Variants in RNF213 observed in about 807,000 individuals in gnomAD.
RNF213 encodes E3 ubiquitin-protein ligase RNF213.
RNF213 carries 341 observed loss-of-function variants against 514.4 expected under a neutral mutation model. That is an observed-to-expected ratio of 0.66 (90% CI 0.61 to 0.73). RNF213 has a LOEUF of 0.73. Ranked by LOEUF, RNF213 falls within the 30% of genes least tolerant of loss-of-function variation. The pLI, the probability that RNF213 is intolerant of heterozygous loss-of-function variation, is 0.00. For synonymous variants in RNF213, 2,655 were observed against 2,658.2 expected (o/e 1.00, Z 0.04); for missense variants, 5,767 against 6,615.6 (o/e 0.87, Z 4.45).
chr17:80,340,332 G>A lies in RNF213; in HGVS notation c.5965G>A (p.Val1989Met), dbSNP rs376102448. The A allele has an allele frequency of 5.0e-6, 8 of 1,613,062 alleles. No homozygotes were observed. The highest frequency in any genetic ancestry group is 1.3e-5 in the African/African-American group (1 of 74,944). ...VFNDRLCVGI[V>M]ASERAGVGKS... Reference sequence around the variant, plus strand: ...CAATGACCGGCTGTGTGTTGGGATCGTGGCCTCGGAGCGAGCAGGTGTTGG... The same window carrying A: ...CAATGACCGGCTGTGTGTTGGGATCATGGCCTCGGAGCGAGCAGGTGTTGG... Residue 1989 changes from valine to methionine, a missense_variant, in exon 26 of 68, where the codon GTG becomes ATG. Val to Met is a conservative substitution (Grantham distance 21). Around this residue, in one of 13 missense-constraint regions of RNF213, gnomAD observed 1,377 missense variants for 1,635.2 expected, o/e 0.84. Coordinates refer to ENST00000582970, the MANE Select transcript of RNF213 (RefSeq NM_001256071.3).
At chr17:80,316,655 G>T (rs1448035811) in intron 15 of RNF213, 1 of 196,024 alleles carries the variant, frequency 5.1e-6, no homozygotes, top group Admixed American at 5.3e-5. Context: ...AGTTGCACAG[G>T]GAAGGGCTAG....
intron 14 of RNF213, 23 bp downstream of exon 14, chr17:80,309,194 G>T: frequency 6.2e-7 from 1 of 1,614,080 alleles, no homozygotes; most frequent in Non-Finnish European, 8.5e-7. Context: ...AACACACAAG[G>T]TATCACACCC....
rs530956136 is a variant in RNF213 at position 80,322,394 on chromosome 17, G to A, written c.3025-2636G>A. On this transcript the variant is annotated intron_variant, in intron 17 of 67. Transcript: ENST00000582970. Reference sequence around the variant, plus strand: ...CCTGTAGACCATCCTGGCTAACACGGTGACACCCTGTCTCTACTAAAAATA... The same window carrying A: ...CCTGTAGACCATCCTGGCTAACACGATGACACCCTGTCTCTACTAAAAATA... Among the ~76,000 whole-genome samples the A allele has an allele frequency of 2.9e-3, 447 of 152,010 alleles. 2 individuals are homozygous for A. The highest frequency in any genetic ancestry group is 6.8e-3 in the Middle Eastern group (2 of 294).
chr17:80,292,029 T>G, intron 8 of RNF213: 1 of 650,522 alleles, frequency 1.5e-6, no homozygotes, highest in South Asian at 1.7e-5. Flanking sequence ...ATGTGTTGGC[T>G]TCTCCTTTGA....
At chr17:80,388,993 A>T (rs2080351757) in intron 64 of RNF213, 180 bp from the exon 65 acceptor site, 2 of 649,134 alleles carry the variant, frequency 3.1e-6, no homozygotes, top group Non-Finnish European at 2.8e-6. Context: ...TGATAGGTAG[A>T]CCTGTGTGTC....
At chr17:80,364,403 G>A (rs755614577) in intron 41 of RNF213, 30 bp from the exon 42 acceptor site, 93 of 1,613,520 alleles carry the variant, frequency 5.8e-5, no homozygotes, top group Non-Finnish European at 7.5e-5. Context: ...GGAGCCGAGT[G>A]AGTGAGTGAG....
At chr17:80,309,550 T>G (rs2045493190) in intron 14 of RNF213, among the ~76,000 whole-genome samples, 1 of 152,096 alleles carries the variant, frequency 6.6e-6, no homozygotes, top group Non-Finnish European at 1.5e-5. Context: ...CGGGGACCAT[T>G]TTCCTCCCAA....
chr17:80,265,133 GC>G (rs1388962065), intron 2 of RNF213, among the ~76,000 whole-genome samples: 2 of 150,082 alleles, frequency 1.3e-5, no homozygotes. Context: ...TGCAACCTCT[GC>G]CTCCCGGGTT....
At position 80,358,428 on chromosome 17, in the gene RNF213, T is replaced by C; in HGVS notation, c.11003T>C (p.Ile3668Thr). ...PPWARDLWMFIFSDTMLLNIP... is the reference protein window; with the variant it reads ...PPWARDLWMFTFSDTMLLNIP... ...TGGGCAAGAGATCTTTGGATGTTTATTTTCAGTGACACGATGCTTCTGAAC... is the reference window on the plus strand; with the variant it reads ...TGGGCAAGAGATCTTTGGATGTTTACTTTCAGTGACACGATGCTTCTGAAC... Residue 3668 changes from isoleucine to threonine, a missense_variant, in exon 37 of 68, where the codon ATT (isoleucine) becomes ACT (threonine). Ile to Thr is a moderately conservative substitution (Grantham distance 89). Coordinates refer to ENST00000582970, the MANE Select transcript of RNF213 (RefSeq NM_001256071.3). 6.2e-7 allele frequency: 1 copy of C among 1,614,220 alleles called. No homozygotes were observed. The highest frequency in any genetic ancestry group is 8.5e-7 in the Non-Finnish European group (1 of 1,180,028).
At chr17:80,306,619 A>C in intron 12 of RNF213, 151 bp downstream of exon 12, 1 of 758,426 alleles carries the variant, frequency 1.3e-6, no homozygotes, top group South Asian at 1.5e-5. Flanking sequence ...TGGGAGGCCG[A>C]GGCGGGCAGA....
chr17:80,350,483 A>C (rs781315867), intron 31 of RNF213, 87 bp downstream of exon 31: 17 of 793,496 alleles, frequency 2.1e-5, no homozygotes, highest in Non-Finnish European at 3.7e-5. Flanking sequence ...AAGACAGTAT[A>C]GTATCATAAT....
In RNF213 at chr17:80,363,262, T is replaced by C. The variant is rs1401976660; in HGVS notation, c.11516T>C (p.Leu3839Pro). The C allele has an allele frequency of 1.2e-6, 2 of 1,614,068 alleles. No individual in the cohort carries two copies. The highest frequency in any genetic ancestry group is 1.7e-6 in the Non-Finnish European group (2 of 1,180,018). ...ATCCTGACCATCTACCCTCAGGTTC[T>C]CCACAGCCTGATGGAAGCCCGTTGG... ...SRILTIYPQV[L>P]HSLMEARWNH... Residue 3839 changes from leucine to proline, a missense_variant, in exon 40 of 68, where the codon CTC (leucine) becomes CCC (proline). Physicochemically the swap from Leu to Pro is moderately conservative, Grantham distance 98. Coordinates refer to ENST00000582970, the MANE Select transcript of RNF213 (RefSeq NM_001256071.3).
intron 11 of RNF213, among the ~76,000 whole-genome samples, chr17:80,304,159 C>T (rs928336282): frequency 6.6e-6 from 1 of 151,910 alleles, no homozygotes; most frequent in African/African-American, 2.4e-5. Context: ...TAAAAGTGGC[C>T]TTTAGTATGC....
At chr17:80,333,991 C>T in intron 21 of RNF213, 114 bp from the exon 22 acceptor site, 4 of 1,237,770 alleles carry the variant, frequency 3.2e-6, no homozygotes, top group Non-Finnish European at 4.5e-6. Flanking sequence ...ACAGCAGTGG[C>T]AAATCTAGGC....
rs148025676 is a variant in RNF213, at chr17:80,285,557, C to T, written c.262-2258C>T. Reference sequence around the variant, plus strand: ...ACGGCCTCTTGCTTCCCCCTCTCAGCAGGTCCCCCGGCAGCTGACCAGCCT... The same window carrying T: ...ACGGCCTCTTGCTTCCCCCTCTCAGTAGGTCCCCCGGCAGCTGACCAGCCT... On this transcript the variant is annotated intron_variant, in intron 3 of 67. Transcript: ENST00000582970. Among the ~76,000 whole-genome samples the T allele has an allele frequency of 1.9e-3, 296 of 152,350 alleles. 1 individual carries two copies. The highest frequency in any genetic ancestry group is 6.8e-3 in the African/African-American group (282 of 41,582).
In RNF213 at chr17:80,349,648, C is replaced by G. The variant is rs565598066; in HGVS notation, c.9952-122C>G. The G allele has an allele frequency of 6.0e-5, 66 of 1,104,694 alleles. 1 individual carries two copies. The Admixed American group carries it at 1.1e-3, about 18-fold the overall frequency. The allele number at this position is 1,104,694 out of a possible 1,614,324, so 68.4% of individuals were successfully genotyped here. A position where few individuals can be genotyped will look rare whatever the true frequency, so the allele number is the denominator to read the frequency against. On this transcript the variant is annotated intron_variant, in intron 29 of 67. Transcript: ENST00000582970. ...ACTCCTTTGGGTTTGGATTCTGTGC[C>G]GTTGTGTGGCAACTGCACCGCGCTG... is the stretch of plus-strand genomic sequence containing the variant.
intron 42 of RNF213, among the ~76,000 whole-genome samples, chr17:80,365,896 C>G (rs1293841879): frequency 2.0e-5 from 3 of 152,210 alleles, no homozygotes; most frequent in African/African-American, 7.2e-5. Flanking sequence ...CCTGCCTGCT[C>G]ACATGCCCAC....
intron 42 of RNF213, chr17:80,364,793 CTG>C (rs2079195445): frequency 3.9e-6 from 2 of 513,372 alleles, no homozygotes; most frequent in South Asian, 2.0e-5. Flanking sequence ...ATTCCAGGAA[CTG>C]TGTGCAGAAA....
At chr17:80,333,793 C>T (rs1390957857) in intron 21 of RNF213, 1 of 328,214 alleles carries the variant, frequency 3.0e-6, no homozygotes, top group East Asian at 6.5e-5. Context: ...CCTTTATTGA[C>T]AAAGCAGAAA....
Sources: gnomAD v4.1 joint callset for allele counts (sites outside exome capture counted in the v4.1 genomes callset) on GRCh38, gnomAD v4.1.1 for gene constraint, gnomAD v4.1.1 regional missense constraint, MANE v1.5 for transcripts, NCBI Gene and HGNC (gene_info 2026-07-23, HGNC 2026-07-21) for gene names.